Variants in PKHD1 observed in about 807,000 individuals in gnomAD.
The protein encoded by PKHD1 is PKHD1 ciliary IPT domain containing fibrocystin/polyductin.
Under a neutral mutation model 412.0 loss-of-function variants are expected in PKHD1, and 291 were observed. The ratio of observed to expected loss-of-function variants is 0.71; its 90% CI spans 0.64 to 0.78. The LOEUF (loss-of-function observed/expected upper bound fraction) is 0.78, where lower values mean the gene tolerates loss of function less well. Among genes scored for constraint, PKHD1 ranks in the 30% least tolerant of loss-of-function variants. The pLI is 0.00. For synonymous variants in PKHD1, 1,777 were observed against 1,821.5 expected, an observed-to-expected ratio of 0.98 and a Z score of 0.62; for missense variants, 4,825 against 4,950.7, an observed-to-expected ratio of 0.97 and a Z score of 0.76.
At chr6:51,945,050 A>G (rs1242312574) in intron 36 of PKHD1, among the ~76,000 whole-genome samples, 3 of 152,180 alleles carry the variant, frequency 2.0e-5, no homozygotes, top group Non-Finnish European at 4.4e-5. Flanking sequence ...TTTTCCTTTC[A>G]TTGTCATTAC....
At chr6:51,833,253 AC>A in intron 51 of PKHD1, among the ~76,000 whole-genome samples, 1 of 152,274 alleles carries the variant, frequency 6.6e-6, no homozygotes, top group East Asian at 1.9e-4. Flanking sequence ...AACATTCTGT[AC>A]TTTTTTCACC....
Position 52,082,399 on chromosome 6 carries a change from G to T in PKHD1, c.274C>A (p.Arg92=), listed in dbSNP as rs370277502. ...ATTCCCAGACAGGTATACCTGGTCC[G>T]GCATGTCACCACAGGCAAATCCAAG... is the stretch of plus-strand genomic sequence containing the variant. ...VFLDLPVVTC[R]TRSVLSEAHE... The change falls in exon 4 of 67, where the codon CGG becomes AGG. Residue 92 remains arginine, a synonymous_variant. Transcript: ENST00000371117. 3 of 1,613,840 alleles carry T rather than the reference G, an allele frequency of 1.9e-6. No individual in the cohort carries two copies. Among genetic ancestry groups the T allele is most frequent in the African/African-American group, 2.7e-5 (2 of 74,872 alleles).
intron 62 of PKHD1, 104 bp downstream of exon 62, chr6:51,648,981 G>A: frequency 9.0e-7 from 1 of 1,114,520 alleles, no homozygotes; most frequent in Non-Finnish European, 1.4e-6. Flanking sequence ...GCACCCAGTG[G>A]GCACTCTGTA....
At position 52,042,866 on chromosome 6, in the gene PKHD1, C is replaced by T. The variant is rs557162970; in HGVS notation, c.3090G>A (p.Ala1030=). The change falls in exon 27 of 67, where the codon GCG becomes GCA. Residue 1030 remains alanine, a synonymous_variant. Coordinates refer to ENST00000371117, the MANE Select transcript of PKHD1 (RefSeq NM_138694.4). ...AGACCCTCCCCAGATTACCAATATCCGCAGCTCTGGAAGGCTCCACCATAT... is the reference window on the plus strand; with the variant it reads ...AGACCCTCCCCAGATTACCAATATCTGCAGCTCTGGAAGGCTCCACCATAT... ...RLDMVEPSRA[A]DIGGLWATIR... 416 of 1,613,624 alleles carry T rather than the reference C, an allele frequency of 2.6e-4. 4 individuals are homozygous for T. In the South Asian group the frequency reaches 3.2e-3, roughly 12 times the overall value.
At chr6:51,799,408 A>G (rs1762571762) in intron 52 of PKHD1, among the ~76,000 whole-genome samples, 1 of 152,152 alleles carries the variant, frequency 6.6e-6, no homozygotes, top group Non-Finnish European at 1.5e-5. Context: ...GTTTCCCACC[A>G]TCAGATGAAA....
rs187856699 is a variant in PKHD1 at position 52,010,799 on chromosome 6, G to A, written c.5601-340C>T. On this transcript the variant is annotated intron_variant, in intron 34 of 66. Transcript: ENST00000371117. ...TCCAGTTCCAAAAAGGGTAACAAAC[G>A]TCTGGGAGAGTTTTTGTTTTTATTT... 1.2e-4 allele frequency among the ~76,000 whole-genome samples: 19 copies of A among 152,290 alleles called. No individual in the cohort carries two copies. In the South Asian group the frequency reaches 3.3e-3, roughly 27 times the overall value.
At chr6:52,021,160 G>C (rs1801341167) in intron 33 of PKHD1, among the ~76,000 whole-genome samples, 2 of 152,126 alleles carry the variant, frequency 1.3e-5, no homozygotes, top group African/African-American at 2.4e-5. Flanking sequence ...ATGAGTGTTT[G>C]GTGACACCTA....
chr6:51,752,578 C>A (rs915747486), intron 57 of PKHD1, among the ~76,000 whole-genome samples: 1 of 152,128 alleles, frequency 6.6e-6, no homozygotes, highest in African/African-American at 2.4e-5. Context: ...CTTCTCCAGG[C>A]CTTTATATAT....
chr6:51,954,644 T>C (rs746208827), intron 36 of PKHD1, among the ~76,000 whole-genome samples: 1 of 152,104 alleles, frequency 6.6e-6, no homozygotes, highest in Non-Finnish European at 1.5e-5. Context: ...TGTTTTCATG[T>C]GTGTATGTGT....
In PKHD1 at chr6:51,695,857, T is replaced by C. The variant is rs922123231; in HGVS notation, c.10157-35888A>G. Among the ~76,000 whole-genome samples, 5 of 152,260 alleles carry C rather than the reference T, an allele frequency of 3.3e-5. No individual in the cohort carries two copies. The South Asian group carries it at 8.3e-4, about 25-fold the overall frequency. On this transcript the variant is annotated intron_variant, in intron 60 of 66. Coordinates refer to ENST00000371117, the MANE Select transcript of PKHD1 (RefSeq NM_138694.4). Reference sequence around the variant, plus strand: ...ATTTTTAATTCCCTCTCTTCCCCCCTTTACTATCTTGTGTCTGTTGTACAT... The same window carrying C: ...ATTTTTAATTCCCTCTCTTCCCCCCCTTACTATCTTGTGTCTGTTGTACAT...
intron 35 of PKHD1, among the ~76,000 whole-genome samples, chr6:51,962,373 A>G (rs1792185665): frequency 6.6e-6 from 1 of 152,104 alleles, no homozygotes; most frequent in African/African-American, 2.4e-5. Context: ...TAATTTGAGA[A>G]CATTTTTAAA....
At chr6:51,933,958 A>T (rs1457391755) in intron 37 of PKHD1, 152 bp downstream of exon 37, 1 of 697,612 alleles carries the variant, frequency 1.4e-6, no homozygotes, top group Non-Finnish European at 2.6e-6. Context: ...ATGAATCGTA[A>T]CAGTTTTACT....
At chr6:51,936,387 T>C (rs1370420279) in intron 36 of PKHD1, among the ~76,000 whole-genome samples, 1 of 152,206 alleles carries the variant, frequency 6.6e-6, no homozygotes, top group Admixed American at 6.5e-5. Flanking sequence ...TCTACTATAA[T>C]AAGAAGAGTC....
intron 48 of PKHD1, among the ~76,000 whole-genome samples, chr6:51,861,003 G>A (rs540623711): frequency 1.2e-3 from 183 of 151,982 alleles, no homozygotes; most frequent in African/African-American, 1.6e-3. Flanking sequence ...AGTACAGATG[G>A]GGTTTCACCA....
chr6:51,813,576 C>T (rs1231718226), intron 52 of PKHD1, among the ~76,000 whole-genome samples: 1 of 151,886 alleles, frequency 6.6e-6, no homozygotes, highest in Non-Finnish European at 1.5e-5. Context: ...TATTTTGTGG[C>T]CTTCTGATTT....
intron 52 of PKHD1, among the ~76,000 whole-genome samples, chr6:51,796,432 G>GC (rs1554247309): frequency 2.7e-5 from 4 of 149,068 alleles, no homozygotes; most frequent in Non-Finnish European, 5.9e-5. Context: ...TATTTAATTA[G>GC]TTTTTTTTTC....
intron 22 of PKHD1, among the ~76,000 whole-genome samples, chr6:52,049,238 A>G (rs913166977): frequency 3.3e-5 from 5 of 152,220 alleles, no homozygotes; most frequent in African/African-American, 9.6e-5. Flanking sequence ...TGTTGCTCCT[A>G]GGCTACAAGC....
rs1376777178 is a variant in PKHD1, at chr6:51,746,868, A to G, written c.9851T>C (p.Val3284Ala). The change falls in exon 59 of 67, where the codon GTG becomes GCG. Residue 3284 changes from valine to alanine, a missense_variant. Physicochemically the swap from Val to Ala is moderately conservative, Grantham distance 64. Transcript: ENST00000371117. The part of the protein sequence containing the change: ...KLQDVTFSSF[V>A]KSCYSDDLDV... ...CAGGTCATCGCTATAGCAACTCTTC[A>G]CAAAACTAGAAAAGGTAACATCTGA... 7 of 1,605,476 alleles carry G rather than the reference A, an allele frequency of 4.4e-6. No homozygotes were observed. The highest frequency in any genetic ancestry group is 6.0e-6 in the Non-Finnish European group (7 of 1,173,626).
At chr6:51,737,569 T>C (rs1784011739) in intron 60 of PKHD1, among the ~76,000 whole-genome samples, 1 of 152,226 alleles carries the variant, frequency 6.6e-6, no homozygotes, top group South Asian at 2.1e-4. Context: ...GAGAGCTAAT[T>C]CTTGATTATT....
Sources: allele counts gnomAD v4.1 joint callset (sites outside exome capture counted in the v4.1 genomes callset), GRCh38; gene constraint gnomAD v4.1.1; transcripts MANE v1.5; gene names NCBI Gene and HGNC (gene_info 2026-07-23, HGNC 2026-07-21).